The following CELF1 variants were observed in gnomAD, a reference collection of about 807,000 sequenced individuals.
The protein encoded by CELF1 is CUGBP Elav-like family member 1.
A neutral mutation model predicts 61.8 loss-of-function variants in CELF1; 10 were observed. The observed-to-expected ratio is 0.16, with a 90% CI of 0.10 to 0.27. The LOEUF (loss-of-function observed/expected upper bound fraction) is 0.27, where lower values mean the gene tolerates loss of function less well. Among genes scored for constraint, CELF1 ranks in the 10% least tolerant of loss-of-function variants. The pLI is 1.00. For missense variants in CELF1, 380 were observed against 639.1 expected, an observed-to-expected ratio of 0.59 and a Z score of 4.37; for synonymous variants, 236 against 225.1, an observed-to-expected ratio of 1.05 and a Z score of -0.43.
chr11:47,482,417 C>G, intron 9 of CELF1: 1 of 251,624 alleles, frequency 4.0e-6, no homozygotes, highest in East Asian at 7.8e-5. Context: ...GGCAAGGACA[C>G]AAGATGTTTC....
intron 9 of CELF1, among the ~76,000 whole-genome samples, chr11:47,481,882 A>C: frequency 6.6e-6 from 1 of 152,210 alleles, no homozygotes. Flanking sequence ...TACACCTGTA[A>C]TGCTCATTTA....
chr11:47,477,741 C>T (rs971406967), intron 10 of CELF1: 5 of 267,184 alleles, frequency 1.9e-5, no homozygotes, highest in Non-Finnish European at 3.7e-5. Context: ...AGAACAATGC[C>T]AAAACCTACA....
chr11:47,534,026 T>C (rs1165817485), intron 1 of CELF1, among the ~76,000 whole-genome samples: 4 of 139,728 alleles, frequency 2.9e-5, no homozygotes, highest in Non-Finnish European at 6.2e-5. Flanking sequence ...TCTTTCCTTT[T>C]TTTTTTTTTT....
intron 1 of CELF1, among the ~76,000 whole-genome samples, chr11:47,545,544 A>G (rs141660048): frequency 2.6e-5 from 4 of 152,348 alleles, no homozygotes; most frequent in African/African-American, 9.6e-5. Flanking sequence ...AATAAGGAAC[A>G]TATTGTTAAT....
intron 1 of CELF1, among the ~76,000 whole-genome samples, chr11:47,551,326 G>C (rs982565118): frequency 6.6e-6 from 1 of 152,094 alleles, no homozygotes; most frequent in African/African-American, 2.4e-5. Flanking sequence ...GAACCACTAG[G>C]GGAACCATAA....
chr11:47,507,709 A>C (rs1321954495), intron 1 of CELF1, among the ~76,000 whole-genome samples: 1 of 152,202 alleles, frequency 6.6e-6, no homozygotes, highest in Non-Finnish European at 1.5e-5. Context: ...GGAAAGTACA[A>C]GAATTCTGAA....
rs2077127339 is a variant in CELF1 at position 47,468,972 on chromosome 11, AG to A, written c.*3257del. Reference sequence around the variant, plus strand: ...ACATCCAAACAAAGAGAGAGAGAACAGGAACACTCACTGTGTGTACAGCCCT... The same window carrying A: ...ACATCCAAACAAAGAGAGAGAGAACAGAACACTCACTGTGTGTACAGCCCT... On this transcript the variant is annotated 3_prime_UTR_variant, in exon 15 of 15. Coordinates refer to ENST00000687097, the MANE Select transcript of CELF1 (RefSeq NM_001376376.1). 1 of 152,236 alleles carries A rather than the reference AG, an allele frequency of 6.6e-6. No homozygotes were observed. The allele number at this position is 152,236 out of a possible 1,614,324, so 9.4% of individuals were successfully genotyped here.
intron 8 of CELF1, among the ~76,000 whole-genome samples, 179 bp downstream of exon 8, chr11:47,483,274 G>C (rs1222153510): frequency 6.6e-6 from 1 of 151,996 alleles, no homozygotes; most frequent in Non-Finnish European, 1.5e-5. Flanking sequence ...CAAAAAAAGG[G>C]GTAGGGAGAG....
At chr11:47,483,572 TTC>T (rs767417235) in intron 7 of CELF1, 40 bp from the exon 8 acceptor site, 6 of 1,488,514 alleles carry the variant, frequency 4.0e-6, no homozygotes, top group Non-Finnish European at 5.6e-6. Context: ...ATTCATTTAT[TTC>T]TCTGACAAAC....
chr11:47,533,827 A>AC (rs1179468638), intron 1 of CELF1, among the ~76,000 whole-genome samples: 1 of 150,344 alleles, frequency 6.7e-6, no homozygotes, highest in Non-Finnish European at 1.5e-5. Context: ...AAAAAAAAAA[A>AC]AAAAGGAATA....
chr11:47,549,820 G>GTTTTTT (rs143103415), intron 1 of CELF1, among the ~76,000 whole-genome samples: 1 of 145,136 alleles, frequency 6.9e-6, no homozygotes, highest in Admixed American at 6.9e-5. Context: ...GGTTTTTTTT[G>GTTTTTT]TTTTTTTTTT....
At chr11:47,522,474 T>C (rs1472162475) in intron 1 of CELF1, among the ~76,000 whole-genome samples, 1 of 151,010 alleles carries the variant, frequency 6.6e-6, no homozygotes, top group Non-Finnish European at 1.5e-5. Flanking sequence ...GAGCTGAGAT[T>C]GTGCCATTGC....
At chr11:47,494,462 G>T in intron 3 of CELF1, 1 of 983,136 alleles carries the variant, frequency 1.0e-6, no homozygotes, top group Non-Finnish European at 1.2e-6. Flanking sequence ...AAATACAATA[G>T]GGATACAATT....
chr11:47,479,047 G>A (rs2081512187), intron 9 of CELF1, 95 bp from the exon 10 acceptor site: 7 of 948,362 alleles, frequency 7.4e-6, no homozygotes, highest in Non-Finnish European at 9.8e-6. Flanking sequence ...AGAGTGCAGA[G>A]GCCCCCAGAG....
At chr11:47,533,831 A>AAG (rs1491545271) in intron 1 of CELF1, among the ~76,000 whole-genome samples, 3,755 of 140,326 alleles carry the variant, frequency 0.027, 58 homozygotes, top group Middle Eastern at 0.048. Flanking sequence ...AAAAAAAAAA[A>AAG]GGAATATTTA....
At chr11:47,527,113 C>T (rs1914401) in intron 1 of CELF1, among the ~76,000 whole-genome samples, 152,206 of 152,214 alleles carry the variant, frequency 1, 76,099 homozygotes, top group Non-Finnish European at 1. Context: ...ACTGAGTACA[C>T]AGCAGGATTC....
chr11:47,518,502 T>G (rs1185567337), intron 1 of CELF1, among the ~76,000 whole-genome samples: 2 of 152,228 alleles, frequency 1.3e-5, no homozygotes, highest in African/African-American at 4.8e-5. Flanking sequence ...GCTTCAAGTT[T>G]AAACAGAAAA....
chr11:47,482,422 T>A, intron 9 of CELF1: 1 of 262,456 alleles, frequency 3.8e-6, no homozygotes, highest in South Asian at 1.1e-4. Context: ...GGACACAAGA[T>A]GTTTCTAAAT....
chr11:47,535,692 A>T (rs79363169), intron 1 of CELF1, among the ~76,000 whole-genome samples: 4,492 of 151,088 alleles, frequency 0.03, 179 homozygotes, highest in African/African-American at 0.082. Flanking sequence ...AAAAAAAAAA[A>T]AAATAAATCA....
Sources: allele counts gnomAD v4.1 joint callset (sites outside exome capture counted in the v4.1 genomes callset), GRCh38; gene constraint gnomAD v4.1.1; transcripts MANE v1.5; gene names NCBI Gene and HGNC (gene_info 2026-07-23, HGNC 2026-07-21).